PYGM: variants seen among roughly 807,000 people sequenced by gnomAD.
The protein encoded by PYGM is glycogen phosphorylase, muscle form.
In PYGM, 81 loss-of-function variants were observed where a neutral mutation model predicts 99.3. The ratio of observed to expected loss-of-function variants is 0.82; its 90% confidence interval spans 0.68 to 0.98. The LOEUF (loss-of-function observed/expected upper bound fraction) is 0.98. Among genes scored for constraint, PYGM ranks in the 50% least tolerant of loss-of-function variants. The pLI, the probability that PYGM is intolerant of heterozygous loss-of-function variation, is 0.00. For synonymous variants in PYGM, 436 were observed against 451.5 expected, an observed-to-expected ratio of 0.97 and a Z score of 0.44; for missense variants, 1,030 against 1,158.1, an observed-to-expected ratio of 0.89 and a Z score of 1.61.
chr11:64,753,357 G>A (rs1454506114), intron 11 of PYGM, among the ~76,000 whole-genome samples, 162 bp downstream of exon 11: 3 of 152,176 alleles, frequency 2.0e-5, no homozygotes. Context: ...GGACAGGGCG[G>A]CACTGGAAGG....
At chr11:64,757,483 C>T (rs1277488754) in intron 5 of PYGM, among the ~76,000 whole-genome samples, 1 of 152,150 alleles carries the variant, frequency 6.6e-6, no homozygotes, top group Non-Finnish European at 1.5e-5. Context: ...AGACTCAAGT[C>T]GCCAAGATGG....
Position 64,750,428 on chromosome 11 carries a change from A to G in PYGM, c.2125T>C (p.Phe709Leu). The part of the protein sequence containing the change: ...EMAEEAGEEN[F>L]FIFGMRVEDV... ...TCCACCCGCATGCCAAAGATGAAGA[A>G]GTTTTCCTCTCCCGCCTCTTCTGCC... Residue 709 changes from phenylalanine (F) to leucine (L), a missense_variant, in exon 17 of 20, where the codon TTC (phenylalanine) becomes CTC (leucine). Coordinates refer to ENST00000164139, the MANE Select transcript of PYGM (RefSeq NM_005609.4). The G allele has an allele frequency of 6.2e-7, 1 of 1,614,020 alleles. No homozygotes were observed.
chr11:64,759,809 C>A lies in PYGM; in HGVS notation c.90G>T (p.Lys30Asn). The A allele has an allele frequency of 6.2e-7, 1 of 1,614,182 alleles. No individual in the cohort carries two copies. Among genetic ancestry groups the A allele is most frequent in the Non-Finnish European group, 8.5e-7 (1 of 1,180,028 alleles). The change falls in exon 1 of 20, where the codon AAG becomes AAT. Residue 30 changes from lysine (K) to asparagine (N), a missense_variant. By Grantham distance (94) the Lys-to-Asn change is moderately conservative. Transcript: ENST00000164139. The part of the protein sequence containing the change: ...AGVENVTELK[K>N]NFNRHLHFTL... ...TGAAATGCAGGTGCCGGTTGAAGTT[C>A]TTTTTCAGCTCAGTCACGTTCTCCA...
At chr11:64,748,086 C>G (rs2058327663) in intron 17 of PYGM, 1 of 154,756 alleles carries the variant, frequency 6.5e-6, no homozygotes, top group Non-Finnish European at 1.4e-5. Flanking sequence ...TCAGCGCCCC[C>G]ACCACGGCTC....
chr11:64,753,576 C>T lies in PYGM; in HGVS notation c.1346G>A (p.Gly449Glu), dbSNP rs749805338. Reference sequence around the variant, plus strand: ...CGCCACGCCGTTGACGGCGTGCGACCCCGCGATGCACAGGTGTGCCATGTT... The same window carrying T: ...CGCCACGCCGTTGACGGCGTGCGACTCCGCGATGCACAGGTGTGCCATGTT... ...RINMAHLCIA[G>E]SHAVNGVARI... The change falls in exon 11 of 20, where the codon GGG becomes GAG. Residue 449 changes from glycine to glutamate, a missense_variant. By Grantham distance (98) the Gly-to-Glu change is moderately conservative. Coordinates refer to ENST00000164139, the MANE Select transcript of PYGM (RefSeq NM_005609.4). The T allele has an allele frequency of 1.2e-6, 2 of 1,605,526 alleles. No homozygotes were observed. The highest frequency in any genetic ancestry group is 2.2e-5 in the East Asian group (1 of 44,682).
rs369431327 is a variant in PYGM at position 64,753,119 on chromosome 11, C to T, written c.1472G>A (p.Arg491His). 4.0e-5 allele frequency: 65 copies of T among 1,614,002 alleles called. No individual in the cohort carries two copies. The highest frequency in any genetic ancestry group is 9.9e-5 in the South Asian group (9 of 91,086). Residue 491 changes from arginine to histidine, a missense_variant, in exon 12 of 20, where the codon CGC becomes CAC. By Grantham distance (29) the Arg-to-His change is conservative (BLOSUM62 0). Transcript: ENST00000164139. The stretch of plus-strand genomic sequence containing the variant: ...CCCGGGGTTACACAGAACCAGCCAG[C>T]GCCGAGGGGTGATGCCGTTGGTCTT... ...QNKTNGITPR[R>H]WLVLCNPGLA...
At chr11:64,749,599 G>T (rs995488580) in intron 17 of PYGM, among the ~76,000 whole-genome samples, 2 of 150,784 alleles carry the variant, frequency 1.3e-5, no homozygotes, top group Non-Finnish European at 3.0e-5. Context: ...CCAAGATCGC[G>T]CCACTGCACT....
At chr11:64,752,253 A>ATG in intron 13 of PYGM, 150 bp downstream of exon 13, 1 of 1,262,054 alleles carries the variant, frequency 7.9e-7, no homozygotes, top group Non-Finnish European at 1.1e-6. Flanking sequence ...AGGTCAGATG[A>ATG]TGCCTTCCCA....
At chr11:64,746,830 T>C (rs1204345000) in intron 19 of PYGM, 22 bp from the exon 20 acceptor site, 4 of 1,614,144 alleles carry the variant, frequency 2.5e-6, no homozygotes, top group Non-Finnish European at 3.4e-6. Context: ...AGGGAAGCTC[T>C]GGTTCACTCT....
chr11:64,754,807 C>CT lies in PYGM; in HGVS notation c.884dup (p.Gln296AlafsTer26). The CT allele has an allele frequency of 1.2e-6, 2 of 1,613,992 alleles. No individual in the cohort carries two copies. The highest frequency in any genetic ancestry group is 1.7e-6 in the Non-Finnish European group (2 of 1,180,004). On this transcript the variant is annotated frameshift_variant, in exon 8 of 20. Coordinates refer to ENST00000164139, the MANE Select transcript of PYGM (RefSeq NM_005609.4). LOFTEE classifies it high-confidence loss of function. This position sits in a 1 kb window ranked among gnomAD's most constrained non-coding sequence, Gnocchi z 5.5. ...TGGCAGCCACCACGAAATACTCCTG[C>CT]TTCAGCCGCAGCTCCTTCCCTTCGA...
upstream of PYGM, chr11:64,760,269 GCTGT>G (rs1310275308): frequency 3.4e-5 from 9 of 263,728 alleles, no homozygotes; most frequent in South Asian, 1.0e-4. Flanking sequence ...GGATTGGGGA[GCTGT>G]CTGTCAGTGG....
At chr11:64,753,247 C>G (rs887098948) in intron 11 of PYGM, 60 bp from the exon 12 acceptor site, 1 of 1,484,838 alleles carries the variant, frequency 6.7e-7, no homozygotes, top group Admixed American at 1.7e-5. Context: ...GGCCTCTGCC[C>G]TGGGGCCCCT....
intron 1 of PYGM, 95 bp downstream of exon 1, chr11:64,759,561 C>T: frequency 6.4e-7 from 1 of 1,570,876 alleles, no homozygotes; most frequent in Non-Finnish European, 8.6e-7. Flanking sequence ...CCCCCAAGAA[C>T]CTAGAGTGAC....
intron 4 of PYGM, 111 bp downstream of exon 4, chr11:64,758,135 T>C: frequency 1.4e-6 from 2 of 1,412,234 alleles, no homozygotes; most frequent in Non-Finnish European, 1.0e-6. Context: ...GCAGCAAGGA[T>C]GCTTTCCACA....
In PYGM at chr11:64,750,376, C is replaced by A; in HGVS notation, c.2177G>T (p.Gly726Val). The part of the protein sequence containing the change: ...VEDVDKLDQR[G>V]YNAQEYYDRI... ...TGCCCGTGAACCCTGACCCCCATAC[C>A]CTCTTTGGTCAAGCTTATCCACATC... Residue 726 changes from glycine (G) to valine (V), a missense_variant and splice_region_variant, in exon 17 of 20, where the codon GGG becomes GTG. Physicochemically the swap from Gly to Val is moderately radical, Grantham distance 109 (BLOSUM62 -3). Coordinates refer to ENST00000164139, the MANE Select transcript of PYGM (RefSeq NM_005609.4). 1 of 1,614,094 alleles carries A rather than the reference C, an allele frequency of 6.2e-7. No homozygotes were observed. Among genetic ancestry groups the A allele is most frequent in the South Asian group, 1.1e-5 (1 of 91,070 alleles).
intron 1 of PYGM, 93 bp from the exon 2 acceptor site, chr11:64,758,797 G>T: frequency 2.7e-6 from 3 of 1,119,472 alleles, no homozygotes; most frequent in Non-Finnish European, 4.0e-6. Flanking sequence ...TGGCCCGCCT[G>T]CCCTGCTCAG....
At position 64,753,506 on chromosome 11, in the gene PYGM, A is replaced by G; in HGVS notation, c.1403+13T>C. 6.3e-7 allele frequency: 1 copy of G among 1,577,664 alleles called. No individual in the cohort carries two copies. On this transcript the variant is annotated intron_variant, in intron 11 of 19. Coordinates refer to ENST00000164139, the MANE Select transcript of PYGM (RefSeq NM_005609.4). ...GGCCTAGAGAGGGGCGGGATCTGGAAAGCGGGGCTCACATGGTCTTCTTGA... is the reference window on the plus strand; with the variant it reads ...GGCCTAGAGAGGGGCGGGATCTGGAGAGCGGGGCTCACATGGTCTTCTTGA...
chr11:64,747,240 G>A lies in PYGM; in HGVS notation c.2296C>T (p.Leu766Phe). Residue 766 changes from leucine (L) to phenylalanine (F), a missense_variant, in exon 18 of 20, where the codon CTC becomes TTC. By Grantham distance (22) the Leu-to-Phe change is conservative. Coordinates refer to ENST00000164139, the MANE Select transcript of PYGM (RefSeq NM_005609.4). ...PDLFKDIVNMLMHHDRFKVFA... is the reference protein window; with the variant it reads ...PDLFKDIVNMFMHHDRFKVFA... ...CCAGCTCACCGGTCATGGTGCATGA[G>A]CATATTGACAATGTCCTTGAACAGG... The A allele has an allele frequency of 6.2e-7, 1 of 1,614,070 alleles. No individual in the cohort carries two copies.
At chr11:64,752,797 GC>G (rs1476955694) in intron 12 of PYGM, among the ~76,000 whole-genome samples, 1 of 152,150 alleles carries the variant, frequency 6.6e-6, no homozygotes, top group Non-Finnish European at 1.5e-5. Context: ...CCAGATATCT[GC>G]CCCCTTCCAG....
Sources: gnomAD v4.1 joint callset for allele counts (sites outside exome capture counted in the v4.1 genomes callset) on GRCh38, gnomAD v4.1.1 for gene constraint, Gnocchi (gnomAD v3.1) non-coding constraint, MANE v1.5 for transcripts, NCBI Gene and HGNC (gene_info 2026-07-23, HGNC 2026-07-21) for gene names.